Variants in NOL4 observed in about 807,000 individuals in gnomAD.
NOL4 encodes the protein cancer/testis antigen 125.
NOL4 carries 17 observed loss-of-function variants against 75.9 expected under a neutral mutation model. The observed-to-expected ratio is 0.22, with a 90% CI of 0.15 to 0.34. The LOEUF (loss-of-function observed/expected upper bound fraction) is 0.34, where lower values mean the gene tolerates loss of function less well. Among genes scored for constraint, NOL4 ranks in the 10% least tolerant of loss-of-function variants. The probability of loss-of-function intolerance (pLI) is 1.00; values close to 1 mark genes in which losing one functional copy is unlikely to be tolerated. For missense variants in NOL4, 614 were observed against 793.5 expected, an observed-to-expected ratio of 0.77 and a Z score of 2.72; for synonymous variants, 292 against 289.9, an observed-to-expected ratio of 1.01 and a Z score of -0.07.
At chr18:34,078,921 T>C (rs1342584908) in intron 5 of NOL4, among the ~76,000 whole-genome samples, 1 of 152,196 alleles carries the variant, frequency 6.6e-6, no homozygotes, top group Non-Finnish European at 1.5e-5. Flanking sequence ...CGGTTGTTAC[T>C]AACACTTGCA....
intron 9 of NOL4, among the ~76,000 whole-genome samples, chr18:33,904,783 T>G (rs1304034196): frequency 1.3e-5 from 2 of 152,138 alleles, no homozygotes; most frequent in African/African-American, 2.4e-5. Context: ...GGAAGAAACT[T>G]ACTGACTTTC....
In NOL4 at chr18:34,217,691, T is replaced by G. The variant is rs188230539; in HGVS notation, c.264+5299A>C. Reference sequence around the variant, plus strand: ...TTCTATGAATCATATTTTAAGCAACTTTTTTTTTTAGCATTTACTATGTCC... The same window carrying G: ...TTCTATGAATCATATTTTAAGCAACGTTTTTTTTTAGCATTTACTATGTCC... On this transcript the variant is annotated intron_variant, in intron 1 of 10. Transcript: ENST00000261592. Among the ~76,000 whole-genome samples the G allele has an allele frequency of 2.6e-3, 392 of 148,448 alleles. 2 individuals carry two copies. Among genetic ancestry groups the G allele is most frequent in the African/African-American group, 9.1e-3 (370 of 40,682 alleles).
intron 6 of NOL4, among the ~76,000 whole-genome samples, chr18:33,962,476 G>A (rs1264927047): frequency 6.6e-6 from 1 of 152,164 alleles, no homozygotes; most frequent in Non-Finnish European, 1.5e-5. Flanking sequence ...AATTTAAATT[G>A]ACAGTGTTCA....
intron 10 of NOL4, among the ~76,000 whole-genome samples, chr18:33,862,182 T>A (rs980448744): frequency 5.3e-5 from 8 of 152,080 alleles, no homozygotes; most frequent in Non-Finnish European, 4.4e-5. Context: ...GGATTCCCTA[T>A]TTAATAAATG....
Position 33,906,671 on chromosome 18 carries a change from C to A in NOL4, c.1543-23247G>T, listed in dbSNP as rs114918966. On this transcript the variant is annotated intron_variant, in intron 9 of 10. Coordinates refer to ENST00000261592, the MANE Select transcript of NOL4 (RefSeq NM_003787.5). Reference sequence around the variant, plus strand: ...TTTAATATATGTATCTGTTGAATAACAAATTAATTTTTTTCTTTGTAGTAT... The same window carrying A: ...TTTAATATATGTATCTGTTGAATAAAAAATTAATTTTTTTCTTTGTAGTAT... Among the ~76,000 whole-genome samples, 1,043 of 152,130 alleles carry A rather than the reference C, an allele frequency of 6.9e-3. 9 individuals are homozygous for A. Among genetic ancestry groups the A allele is most frequent in the African/African-American group, 0.024 (1,003 of 41,522 alleles).
At chr18:34,091,287 C>T (rs1237685127) in intron 5 of NOL4, among the ~76,000 whole-genome samples, 3 of 152,016 alleles carry the variant, frequency 2.0e-5, no homozygotes, top group East Asian at 1.9e-4. Flanking sequence ...TGCTTGAACC[C>T]GGGAGGCAGA....
rs1486537303 is a variant in NOL4 at position 34,129,979 on chromosome 18, T to C, written c.306A>G (p.Val102=). Residue 102 remains valine, a synonymous_variant, in exon 2 of 11, where the codon GTA becomes GTG. Coordinates refer to ENST00000261592, the MANE Select transcript of NOL4 (RefSeq NM_003787.5). ...GVDEKLSLRR[V]AVVEDFFDII... ...TGTCAAAGAAATCTTCAACCACAGC[T>C]ACCCGTCGTAAAGATAGCTTCTCAT... 4.4e-6 allele frequency: 7 copies of C among 1,596,090 alleles called. No homozygotes were observed. The highest frequency in any genetic ancestry group is 1.7e-5 in the Admixed American group (1 of 57,754).
intron 10 of NOL4, among the ~76,000 whole-genome samples, chr18:33,864,664 A>C (rs990021001): frequency 6.6e-6 from 1 of 152,142 alleles, no homozygotes; most frequent in Non-Finnish European, 1.5e-5. Flanking sequence ...CCACATTTTC[A>C]GGTTATCTTT....
chr18:34,096,189 T>C (rs969248622), intron 4 of NOL4, among the ~76,000 whole-genome samples: 6 of 152,078 alleles, frequency 3.9e-5, no homozygotes, highest in Admixed American at 3.3e-4. Flanking sequence ...TGTATACTTA[T>C]GTATTTTTGT....
intron 5 of NOL4, among the ~76,000 whole-genome samples, chr18:34,062,216 GTTTT>G (rs1008262397): frequency 1.3e-5 from 2 of 151,080 alleles, no homozygotes; most frequent in East Asian, 3.9e-4. Context: ...TAAAAAAAAA[GTTTT>G]TTTTTAAAAG....
At chr18:33,966,223 A>T (rs2070572822) in intron 6 of NOL4, among the ~76,000 whole-genome samples, 1 of 152,152 alleles carries the variant, frequency 6.6e-6, no homozygotes, top group South Asian at 2.1e-4. Context: ...TTAAAAAGTT[A>T]CTATTTATTT....
chr18:34,034,349 T>C (rs1355937989), intron 5 of NOL4, among the ~76,000 whole-genome samples: 1 of 152,060 alleles, frequency 6.6e-6, no homozygotes, highest in East Asian at 1.9e-4. Context: ...TTTAAAATAA[T>C]CCAACTACAA....
intron 1 of NOL4, among the ~76,000 whole-genome samples, chr18:34,159,691 GCA>G (rs2031141541): frequency 1.3e-5 from 2 of 152,100 alleles, no homozygotes. Context: ...ACCAACGGCA[GCA>G]CACTCTCCCA....
chr18:34,138,848 C>T (rs1467995873), intron 1 of NOL4, among the ~76,000 whole-genome samples: 5 of 152,082 alleles, frequency 3.3e-5, no homozygotes, highest in Admixed American at 6.5e-5. Context: ...TGAGATATGT[C>T]CCATCAATAC....
chr18:34,124,945 G>C (rs916124315), intron 2 of NOL4, among the ~76,000 whole-genome samples: 3 of 151,654 alleles, frequency 2.0e-5, no homozygotes, highest in Admixed American at 6.6e-5. Flanking sequence ...TGCTAACTGG[G>C]AGGTCAATAG....
intron 9 of NOL4, among the ~76,000 whole-genome samples, chr18:33,897,264 G>C (rs1464734321): frequency 6.6e-6 from 1 of 151,994 alleles, no homozygotes; most frequent in African/African-American, 2.4e-5. Context: ...CCCATTACTG[G>C]GTATATACCA....
intron 6 of NOL4, among the ~76,000 whole-genome samples, chr18:34,008,760 G>A (rs150371570): frequency 1.9e-3 from 286 of 151,976 alleles, no homozygotes; most frequent in Non-Finnish European, 3.2e-3. Flanking sequence ...CATCAGAGAG[G>A]TAAAATTGCC....
chr18:34,120,089 A>G (rs2080068927), intron 2 of NOL4, among the ~76,000 whole-genome samples: 1 of 152,228 alleles, frequency 6.6e-6, no homozygotes, highest in Non-Finnish European at 1.5e-5. Flanking sequence ...GCAGCCTTAA[A>G]GACTATATTT....
At chr18:33,938,070 A>G (rs184544878) in intron 9 of NOL4, among the ~76,000 whole-genome samples, 1 of 152,230 alleles carries the variant, frequency 6.6e-6, no homozygotes, top group East Asian at 1.9e-4. Flanking sequence ...ATAATACATG[A>G]AAATACATTA....
Sources: allele counts gnomAD v4.1 joint callset (sites outside exome capture counted in the v4.1 genomes callset), GRCh38; gene constraint gnomAD v4.1.1; transcripts MANE v1.5; gene names NCBI Gene and HGNC (gene_info 2026-07-23, HGNC 2026-07-21).